Variants in SPEG observed in about 807,000 individuals in gnomAD.
The protein encoded by SPEG is striated muscle preferentially expressed protein kinase.
SPEG carries 114 observed loss-of-function variants against 300.4 expected under a neutral mutation model. The observed-to-expected ratio is 0.38, with a 90% CI of 0.33 to 0.44. SPEG has a LOEUF of 0.44. Among genes scored for constraint, SPEG ranks in the 20% least tolerant of loss-of-function variants. The pLI is 1.00. For missense variants in SPEG, 4,201 were observed against 4,586.2 expected, an observed-to-expected ratio of 0.92 and a Z score of 2.43; for synonymous variants, 1,964 against 2,018.9, an observed-to-expected ratio of 0.97 and a Z score of 0.73.
At chr2:219,437,978 C>T (rs553256499) in intron 1 of SPEG, among the ~76,000 whole-genome samples, 1 of 152,284 alleles carries the variant, frequency 6.6e-6, no homozygotes, top group African/African-American at 2.4e-5. Context: ...ATTGCTGGCT[C>T]AATAAGACAA....
chr2:219,481,172 C>T lies in SPEG; in HGVS notation c.5370-132C>T. The T allele has an allele frequency of 6.1e-6, 6 of 982,638 alleles. No individual in the cohort carries two copies. In the South Asian group the frequency reaches 9.1e-5, roughly 15 times the overall value. The allele number at this position is 982,638 out of a possible 1,614,324, so 60.9% of individuals were successfully genotyped here. ...CAGGAGAGAGTCCGCAGCCTCACCT[C>T]TTACCCACATTTGCCCAGCCTCTGT... On this transcript the variant is annotated intron_variant, in intron 26 of 40. Coordinates refer to ENST00000312358, the MANE Select transcript of SPEG (RefSeq NM_005876.5). This position sits in a 1 kb window ranked among gnomAD's most constrained non-coding sequence, Gnocchi z 5.4.
chr2:219,468,966 A>G lies in SPEG; in HGVS notation c.3409A>G (p.Ser1137Gly), dbSNP rs1301453270. Residue 1137 changes from serine (S) to glycine (G), a missense_variant, in exon 12 of 41, where the codon AGT becomes GGT. Ser to Gly is a moderately conservative substitution (Grantham distance 56). Around this residue, in one of 4 missense-constraint regions of SPEG, gnomAD observed 1,047 missense variants for 1,356.8 expected, o/e 0.77. Transcript: ENST00000312358. ...GSEDEGLYAVSAVNTHGQAHC... is the reference protein window; with the variant it reads ...GSEDEGLYAVGAVNTHGQAHC... ...CGAGGACGAGGGGCTCTATGCGGTC[A>G]GTGCTGTTAACACCCATGGCCAGGC... 1.9e-6 allele frequency: 3 copies of G among 1,613,854 alleles called. No homozygotes were observed. Among genetic ancestry groups the G allele is most frequent in the Non-Finnish European group, 8.5e-7 (1 of 1,180,010 alleles).
In SPEG at chr2:219,480,232, C is replaced by T; in HGVS notation, c.5342+92C>T. 7.3e-7 allele frequency: 1 copy of T among 1,376,274 alleles called. No individual in the cohort carries two copies. The highest frequency in any genetic ancestry group is 1.0e-6 in the Non-Finnish European group (1 of 991,810). 85.3% of individuals were successfully genotyped at this position (1,376,274 alleles called of 1,614,324 possible). On this transcript the variant is annotated intron_variant, in intron 25 of 40. Transcript: ENST00000312358. The surrounding 1 kb of genome is among the most constrained non-coding windows in gnomAD (Gnocchi z 5.3). ...TCACTGGCAGGGAGATTTACCGAGC[C>T]TGAATTCCTCCTGAAGGTGGGCTGG... is the stretch of plus-strand genomic sequence containing the variant.
intron 1 of SPEG, among the ~76,000 whole-genome samples, chr2:219,438,533 T>G (rs1954777919): frequency 6.6e-6 from 1 of 152,214 alleles, no homozygotes; most frequent in African/African-American, 2.4e-5. Context: ...ATTCTTCTTT[T>G]TCAAAATATC....
intron 6 of SPEG, among the ~76,000 whole-genome samples, chr2:219,455,287 A>G (rs1461496424): frequency 6.6e-6 from 1 of 152,112 alleles, no homozygotes; most frequent in Non-Finnish European, 1.5e-5. Flanking sequence ...TGCTCTCTGG[A>G]CACAGTGGCT....
rs769857090 is a variant in SPEG at position 219,447,943 on chromosome 2, T to C, written c.816-31T>C. 7 of 1,604,592 alleles carry C rather than the reference T, an allele frequency of 4.4e-6. No homozygotes were observed. In the South Asian group the frequency reaches 6.6e-5, roughly 15 times the overall value. ...GGTCTAGGAGAGGAGGCCCCCTGAA[T>C]CCTCTACCCTTCTCCATCTTGGTTC... On this transcript the variant is annotated intron_variant, in intron 3 of 40. Coordinates refer to ENST00000312358, the MANE Select transcript of SPEG (RefSeq NM_005876.5).
Position 219,472,315 on chromosome 2 carries a change from T to G in SPEG, c.3924T>G (p.Ser1308Arg). Residue 1308 changes from serine (S) to arginine (R), a missense_variant, in exon 15 of 41, where the codon AGT becomes AGG. Physicochemically the swap from Ser to Arg is moderately radical, Grantham distance 110 (BLOSUM62 -1). This residue lies in a region of SPEG where 1,047 missense variants were observed against 1,356.8 expected (regional missense o/e 0.77). Transcript: ENST00000312358. ...MVTLTWNPPRSLDMAIDPDSL... is the reference protein window; with the variant it reads ...MVTLTWNPPRRLDMAIDPDSL... ...CACTCACATGGAACCCCCCCAGGAG[T>G]CTGGACATGGCCATCGGTGGGTCAG... is the stretch of plus-strand genomic sequence containing the variant. The G allele has an allele frequency of 1.2e-6, 2 of 1,612,928 alleles. No homozygotes were observed. Among genetic ancestry groups the G allele is most frequent in the Non-Finnish European group, 1.7e-6 (2 of 1,179,736 alleles).
In SPEG at chr2:219,484,967, C is replaced by T. The variant is rs191238352; in HGVS notation, c.7504C>T (p.Arg2502Trp). The change falls in exon 30 of 41, where the codon CGG becomes TGG. Residue 2502 changes from arginine (R) to tryptophan (W), a missense_variant. Transcript: ENST00000312358. ...GGCCACGTCCGAGGGCGAGAGTCTG[C>T]GGCGCCTTGGCCTTCCGCACAACCA... The part of the protein sequence containing the change: ...RRATSEGESL[R>W]RLGLPHNQLA... 3 of 1,529,444 alleles carry T rather than the reference C, an allele frequency of 2.0e-6. No individual in the cohort carries two copies. Among genetic ancestry groups the T allele is most frequent in the East Asian group, 4.9e-5 (2 of 40,590 alleles). 94.7% of individuals were successfully genotyped at this position (1,529,444 alleles called of 1,614,324 possible). A position where few individuals can be genotyped will look rare whatever the true frequency, so the allele number is the denominator to read the frequency against.
chr2:219,484,276 G>A lies in SPEG; in HGVS notation c.6813G>A (p.Glu2271=), dbSNP rs767840263. 1 of 1,608,824 alleles carries A rather than the reference G, an allele frequency of 6.2e-7. No homozygotes were observed. Among genetic ancestry groups the A allele is most frequent in the African/African-American group, 1.3e-5 (1 of 75,014 alleles). Residue 2271 remains glutamate (E), a synonymous_variant, in exon 30 of 41, where the codon GAG becomes GAA. Coordinates refer to ENST00000312358, the MANE Select transcript of SPEG (RefSeq NM_005876.5). The part of the protein sequence containing the change: ...PSQGPAAPPS[E]PKPHAAVFAR... Reference sequence around the variant, plus strand: ...AGGGCCCTGCCGCGCCGCCTTCAGAGCCCAAGCCCCACGCTGCTGTCTTTG... The same window carrying A: ...AGGGCCCTGCCGCGCCGCCTTCAGAACCCAAGCCCCACGCTGCTGTCTTTG...
Position 219,448,820 on chromosome 2 carries a change from G to T in SPEG, c.1662G>T (p.Gln554His). The T allele has an allele frequency of 3.6e-6, 5 of 1,401,420 alleles. No individual in the cohort carries two copies. The highest frequency in any genetic ancestry group is 4.6e-6 in the Non-Finnish European group (5 of 1,086,066). 86.8% of individuals were successfully genotyped at this position (1,401,420 alleles called of 1,614,324 possible). The change falls in exon 4 of 41, where the codon CAG becomes CAT. Residue 554 changes from glutamine to histidine, a missense_variant. Physicochemically the swap from Gln to His is conservative, Grantham distance 24. Coordinates refer to ENST00000312358, the MANE Select transcript of SPEG (RefSeq NM_005876.5). ...GGGCCGTGAGCCCCGCCGCCGCCCA[G>T]CCGCCCTCTCCGAGCAGCGCGGAGA... Reference protein sequence around the residue: ...TSRAVSPAAAQPPSPSSAEKP... With the variant: ...TSRAVSPAAAHPPSPSSAEKP...
At chr2:219,470,839 TG>T (rs1199392273) in intron 13 of SPEG, among the ~76,000 whole-genome samples, 3 of 152,182 alleles carry the variant, frequency 2.0e-5, no homozygotes, top group Admixed American at 2.0e-4. Context: ...GGGATAATTT[TG>T]TAGAGTTGTT....
rs897602408 is a variant in SPEG, at chr2:219,445,156, C to T, written c.810C>T (p.Ile270=). Reference sequence around the variant, plus strand: ...TGTACAGAGGACGGGCGCTCTCTATCCACGTGTAAGTAACGGCCTTACCTG... The same window carrying T: ...TGTACAGAGGACGGGCGCTCTCTATTCACGTGTAAGTAACGGCCTTACCTG... The part of the protein sequence containing the change: ...FSLYRGRALS[I]HVSVPQSGLR... The change falls in exon 3 of 41, where the codon ATC becomes ATT. Residue 270 remains isoleucine (I), a synonymous_variant. Transcript: ENST00000312358. This position sits in a 1 kb window ranked among gnomAD's most constrained non-coding sequence, Gnocchi z 6.1. 8 of 1,570,506 alleles carry T rather than the reference C, an allele frequency of 5.1e-6. No homozygotes were observed. The African/African-American group carries it at 9.5e-5, about 19-fold the overall frequency.
In SPEG at chr2:219,489,544, C is replaced by T. The variant is rs754711269; in HGVS notation, c.8526C>T (p.Pro2842=). ...LSSLKAVGPP[P]QTPPRRHRGL... ...CGCTCAAGGCTGTGGGTCCACCACC[C>T]CAAACCCCTCCACGAAGACACAGGG... is the stretch of plus-strand genomic sequence containing the variant. Residue 2842 remains proline, a synonymous_variant, in exon 36 of 41, where the codon CCC becomes CCT. Transcript: ENST00000312358. 6.2e-7 allele frequency: 1 copy of T among 1,613,596 alleles called. No individual in the cohort carries two copies. Among genetic ancestry groups the T allele is most frequent in the Admixed American group, 1.7e-5 (1 of 59,998 alleles).
At position 219,492,905 on chromosome 2, in the gene SPEG, C is replaced by T; in HGVS notation, c.*119C>T. 1 of 1,049,138 alleles carries T rather than the reference C, an allele frequency of 9.5e-7. No homozygotes were observed. 65.0% of individuals were successfully genotyped at this position (1,049,138 alleles called of 1,614,324 possible). On this transcript the variant is annotated 3_prime_UTR_variant, in exon 41 of 41. Transcript: ENST00000312358. ...GGGCTTCGGTTACCACCAGCAGCAA[C>T]ATCTGGCTGGGCTCTTACCTCATAG...
chr2:219,484,715 C>G lies in SPEG; in HGVS notation c.7252C>G (p.Arg2418Gly). ...CTCGCTGTCACTGTCCCAGCGGCTG[C>G]GGCGGACCCCTCCCGCGCAGCGCCA... ...RLSLSLSQRL[R>G]RTPPAQRHPA... The change falls in exon 30 of 41, where the codon CGG becomes GGG. Residue 2418 changes from arginine (R) to glycine (G), a missense_variant. Physicochemically the swap from Arg to Gly is moderately radical, Grantham distance 125 (BLOSUM62 -2). This residue lies in a region of SPEG where 1,578 missense variants were observed against 1,506.0 expected (regional missense o/e 1.05). Transcript: ENST00000312358. 1 of 1,501,620 alleles carries G rather than the reference C, an allele frequency of 6.7e-7. No individual in the cohort carries two copies. The highest frequency in any genetic ancestry group is 8.8e-7 in the Non-Finnish European group (1 of 1,135,468). 93.0% of individuals were successfully genotyped at this position (1,501,620 alleles called of 1,614,324 possible).
Position 219,483,830 on chromosome 2 carries a change from C to T in SPEG, c.6367C>T (p.Arg2123Trp), listed in dbSNP as rs1445201424. ...CCACCACCAGCCCCCACTCGAGAAC[C>T]GGGGCCTGCAAAAGAGCAGCAGCTT... ...APHHQPPLEN[R>W]GLQKSSSFSQ... Residue 2123 changes from arginine to tryptophan, a missense_variant, in exon 30 of 41, where the codon CGG becomes TGG. Coordinates refer to ENST00000312358, the MANE Select transcript of SPEG (RefSeq NM_005876.5). The T allele has an allele frequency of 3.8e-6, 6 of 1,584,026 alleles. No individual in the cohort carries two copies. Among genetic ancestry groups the T allele is most frequent in the Admixed American group, 3.5e-5 (2 of 57,240 alleles).
Position 219,451,202 on chromosome 2 carries a change from C to T in SPEG, c.2180C>T (p.Pro727Leu). 1 of 1,613,934 alleles carries T rather than the reference C, an allele frequency of 6.2e-7. No homozygotes were observed. The highest frequency in any genetic ancestry group is 8.5e-7 in the Non-Finnish European group (1 of 1,179,982). Reference sequence around the variant, plus strand: ...CTAGAGGCCCCTGTGTTTGAGATCCCCCTGCAGAATGTGGTGGTGGCACCA... The same window carrying T: ...CTAGAGGCCCCTGTGTTTGAGATCCTCCTGCAGAATGTGGTGGTGGCACCA... ...EPLEAPVFEI[P>L]LQNVVVAPGA... Residue 727 changes from proline to leucine, a missense_variant, in exon 5 of 41, where the codon CCC becomes CTC. By Grantham distance (98) the Pro-to-Leu change is moderately conservative. Transcript: ENST00000312358. The surrounding 1 kb of genome is among the most constrained non-coding windows in gnomAD (Gnocchi z 6.4).
Position 219,469,185 on chromosome 2 carries a change from C to T in SPEG, c.3521C>T (p.Pro1174Leu). The T allele has an allele frequency of 6.2e-7, 1 of 1,613,976 alleles. No homozygotes were observed. Among genetic ancestry groups the T allele is most frequent in the South Asian group, 1.1e-5 (1 of 91,082 alleles). ...SSKLEKMPSI[P>L]EEPEQGELER... The stretch of plus-strand genomic sequence containing the variant: ...AAGCTGGAGAAGATGCCATCCATTC[C>T]CGAGGAGCCAGAGCAGGGTGAGCTG... The change falls in exon 13 of 41, where the codon CCC becomes CTC. Residue 1174 changes from proline to leucine, a missense_variant. Around this residue, in one of 4 missense-constraint regions of SPEG, gnomAD observed 1,047 missense variants for 1,356.8 expected, o/e 0.77. Coordinates refer to ENST00000312358, the MANE Select transcript of SPEG (RefSeq NM_005876.5).
At position 219,473,932 on chromosome 2, in the gene SPEG, C is replaced by T. The variant is rs1692118610; in HGVS notation, c.4447+29C>T. 1.3e-6 allele frequency: 2 copies of T among 1,584,078 alleles called. No individual in the cohort carries two copies. Among genetic ancestry groups the T allele is most frequent in the Non-Finnish European group, 1.7e-6 (2 of 1,166,124 alleles). On this transcript the variant is annotated intron_variant, in intron 18 of 40. Transcript: ENST00000312358. The surrounding 1 kb of genome is among the most constrained non-coding windows in gnomAD (Gnocchi z 4.6). ...GGTGACAGCGGGCCTTCTTCCTAGCCTCCCTCCAAGGCCCAAAGCTCTCTA... is the reference window on the plus strand; with the variant it reads ...GGTGACAGCGGGCCTTCTTCCTAGCTTCCCTCCAAGGCCCAAAGCTCTCTA...
Sources: allele counts gnomAD v4.1 joint callset (sites outside exome capture counted in the v4.1 genomes callset), GRCh38; gene constraint gnomAD v4.1.1; regional missense constraint gnomAD v4.1.1; non-coding constraint Gnocchi (gnomAD v3.1); transcripts MANE v1.5; gene names NCBI Gene and HGNC (gene_info 2026-07-23, HGNC 2026-07-21).